GLOD4: variants seen among roughly 807,000 people sequenced by gnomAD.
GLOD4 encodes glyoxalase domain-containing protein 4.
A neutral mutation model predicts 39.1 loss-of-function variants in GLOD4; 44 were observed. The ratio of observed to expected loss-of-function variants is 1.13; its 90% confidence interval spans 0.88 to 1.45. The LOEUF (loss-of-function observed/expected upper bound fraction) is 1.45, where lower values mean the gene tolerates loss of function less well. GLOD4 is among the 40% of genes most tolerant of loss of function. The pLI is 0.00. For missense variants in GLOD4, 405 were observed against 366.4 expected (o/e 1.11, Z -0.86); for synonymous variants, 145 against 135.0 (o/e 1.07, Z -0.52).
chr17:774,807 G>A lies in GLOD4; in HGVS notation c.406+968C>T, dbSNP rs185485349. Among the ~76,000 whole-genome samples the A allele has an allele frequency of 1.8e-3, 275 of 152,270 alleles. 3 individuals are homozygous for A. The highest frequency in any genetic ancestry group is 6.2e-3 in the African/African-American group (257 of 41,564). On this transcript the variant is annotated intron_variant, in intron 4 of 8. Coordinates refer to ENST00000301329, the MANE Select transcript of GLOD4 (RefSeq NM_016080.4). ...AAAAGGGCCGGGCACGGTGGTTCACGCCTGTCACCCCAGCACTTTGGGAGG... is the reference window on the plus strand; with the variant it reads ...AAAAGGGCCGGGCACGGTGGTTCACACCTGTCACCCCAGCACTTTGGGAGG...
intron 1 of GLOD4, among the ~76,000 whole-genome samples, chr17:779,820 C>T (rs1011060671): frequency 9.2e-5 from 14 of 152,064 alleles, no homozygotes; most frequent in African/African-American, 3.4e-4. Context: ...TTTTTGATTC[C>T]CACGGCTCCT....
upstream of GLOD4, among the ~76,000 whole-genome samples, chr17:783,837 A>T (rs574610279): frequency 6.6e-6 from 1 of 152,342 alleles, no homozygotes; most frequent in South Asian, 2.1e-4. Flanking sequence ...GGTCTCTAGG[A>T]AGAACCACTA....
chr17:782,398 C>T (rs377626982), upstream of GLOD4: 37 of 1,613,756 alleles, frequency 2.3e-5, no homozygotes, highest in African/African-American at 1.9e-4. Flanking sequence ...CTGGTGAGAC[C>T]CGCGAGGTTT....
intron 4 of GLOD4, among the ~76,000 whole-genome samples, chr17:772,042 A>G (rs1325709654): frequency 2.0e-5 from 3 of 147,272 alleles, no homozygotes; most frequent in South Asian, 4.3e-4. Flanking sequence ...AAAAAAGATT[A>G]GACAGGCGTG....
chr17:776,336 T>C (rs1258990514), intron 3 of GLOD4, among the ~76,000 whole-genome samples: 1 of 152,260 alleles, frequency 6.6e-6, no homozygotes, highest in Non-Finnish European at 1.5e-5. Flanking sequence ...CCTAGAAATG[T>C]ACACGTGTGC....
At chr17:768,326 A>G (rs564853243) in intron 8 of GLOD4, among the ~76,000 whole-genome samples, 144 of 150,448 alleles carry the variant, frequency 9.6e-4, no homozygotes, top group Non-Finnish European at 1.9e-3. Flanking sequence ...AAATCTGAAG[A>G]GGACGTGAGA....
At chr17:768,390 AAG>A (rs1295945476) in intron 8 of GLOD4, among the ~76,000 whole-genome samples, 74 of 121,836 alleles carry the variant, frequency 6.1e-4, no homozygotes, top group African/African-American at 1.9e-3. Context: ...GAGAGGACGT[AAG>A]AGAGAGAAAC....
chr17:773,538 C>T (rs1218291106), intron 4 of GLOD4, among the ~76,000 whole-genome samples: 1 of 151,934 alleles, frequency 6.6e-6, no homozygotes, highest in African/African-American at 2.4e-5. Flanking sequence ...AGCTTCTCTG[C>T]TTGTCTAAGG....
intron 1 of GLOD4, chr17:780,875 T>C (rs1337853263): frequency 6.5e-6 from 1 of 154,060 alleles, no homozygotes; most frequent in East Asian, 1.9e-4. Context: ...AATCTACTAT[T>C]ACCGATATGT....
upstream of GLOD4, among the ~76,000 whole-genome samples, chr17:783,967 T>C (rs1910403755): frequency 6.6e-6 from 1 of 152,172 alleles, no homozygotes; most frequent in Non-Finnish European, 1.5e-5. Context: ...GCCAATGTGG[T>C]GATAACTGTC....
intron 8 of GLOD4, among the ~76,000 whole-genome samples, chr17:762,972 C>A (rs1173430391): frequency 2.6e-5 from 4 of 151,868 alleles, no homozygotes; most frequent in Non-Finnish European, 5.9e-5. Flanking sequence ...GTCAGGAGAT[C>A]GAGACCATCC....
intron 4 of GLOD4, among the ~76,000 whole-genome samples, chr17:773,718 G>A (rs1309636060): frequency 4.6e-5 from 7 of 152,156 alleles, no homozygotes; most frequent in Non-Finnish European, 2.9e-5. Context: ...AGTCCTGTTT[G>A]CTAGAACAGC....
chr17:773,519 T>G (rs1186082015), intron 4 of GLOD4, among the ~76,000 whole-genome samples: 6 of 151,806 alleles, frequency 4.0e-5, no homozygotes, highest in Non-Finnish European at 7.4e-5. Context: ...GGTGTGTGTG[T>G]TTTTTTTCAG....
At chr17:781,882 TAAGCTCCAC>T in intron 1 of GLOD4, 1 of 442,324 alleles carries the variant, frequency 2.3e-6, no homozygotes, top group Non-Finnish European at 4.0e-6. Context: ...CGGTAGACGG[TAAGCTCCAC>T]AAGGGCGGGG....
At chr17:760,380 G>A (rs1343081873) in intron 8 of GLOD4, 142 bp from the exon 9 acceptor site, 2 of 599,760 alleles carry the variant, frequency 3.3e-6, no homozygotes, top group Non-Finnish European at 5.9e-6. Flanking sequence ...AAAAAAAAGA[G>A]AAGAGAAATA....
At chr17:772,303 T>C (rs1466810443) in intron 4 of GLOD4, among the ~76,000 whole-genome samples, 2 of 145,194 alleles carry the variant, frequency 1.4e-5, no homozygotes, top group South Asian at 4.4e-4. Flanking sequence ...TCGAAATAAA[T>C]GACAAAATAC....
rs183583858 is a variant in GLOD4 at position 762,587 on chromosome 17, G to A, written c.832-2349C>T. Among the ~76,000 whole-genome samples, 11 of 146,890 alleles carry A rather than the reference G, an allele frequency of 7.5e-5. No homozygotes were observed. The East Asian group carries it at 2.3e-3, about 30-fold the overall frequency. On this transcript the variant is annotated intron_variant, in intron 8 of 8. Transcript: ENST00000301329. ...CACCTACTCAGTGCGTGATCTTCAG[G>A]GATGAAGGGGAATAATTATTTCATC...
At chr17:762,256 A>G (rs1271229611) in intron 8 of GLOD4, among the ~76,000 whole-genome samples, 1 of 152,256 alleles carries the variant, frequency 6.6e-6, no homozygotes, top group African/African-American at 2.4e-5. Flanking sequence ...CGACTATTAA[A>G]TGTTAAAAAA....
chr17:782,116 G>T, intron 1 of GLOD4, 50 bp downstream of exon 1: 2 of 1,413,440 alleles, frequency 1.4e-6, no homozygotes, highest in Non-Finnish European at 1.9e-6. Flanking sequence ...GGCCGGCTCG[G>T]GCGCCGGTTC....
Sources: gnomAD v4.1 joint callset for allele counts (sites outside exome capture counted in the v4.1 genomes callset) on GRCh38, gnomAD v4.1.1 for gene constraint, MANE v1.5 for transcripts, NCBI Gene and HGNC (gene_info 2026-07-23, HGNC 2026-07-21) for gene names.